MAF: variants seen among roughly 807,000 people sequenced by gnomAD.
MAF encodes transcription factor Maf.
In MAF, 10 loss-of-function variants were observed where a neutral mutation model predicts 22.0. The ratio of observed to expected loss-of-function variants is 0.45; its 90% confidence interval spans 0.28 to 0.77. The LOEUF is 0.77. Ranked by LOEUF, MAF falls within the 30% of genes least tolerant of loss-of-function variation. The probability of loss-of-function intolerance (pLI) is 0.12; values close to 1 mark genes in which losing one functional copy is unlikely to be tolerated. For missense variants in MAF, 544 were observed against 548.4 expected, an observed-to-expected ratio of 0.99 and a Z score of 0.08; for synonymous variants, 337 against 255.8, an observed-to-expected ratio of 1.32 and a Z score of -3.03.
At chr16:79,554,117 A>G in the MAF span, among the ~76,000 whole-genome samples, 1 of 135,684 alleles carries the variant, frequency 7.4e-6, no homozygotes, top group East Asian at 1.9e-4. Context: ...AAACAAACAA[A>G]CAAACAAACA....
the MAF span, among the ~76,000 whole-genome samples, chr16:79,373,424 C>T: frequency 1.8e-5 from 2 of 112,744 alleles, no homozygotes; most frequent in Admixed American, 1.3e-4. Context: ...GCTCTGTCTC[C>T]CAGGCTGGAG....
At chr16:79,380,531 G>T in the MAF span, among the ~76,000 whole-genome samples, 3 of 152,310 alleles carry the variant, frequency 2.0e-5, no homozygotes, top group Non-Finnish European at 4.4e-5. Flanking sequence ...ACAGCTACCT[G>T]CCTGGTTAGA....
At chr16:79,538,871 A>AAAAGAAAGAAAGAAAGAAAGAAAG in the MAF span, among the ~76,000 whole-genome samples, 1 of 104,342 alleles carries the variant, frequency 9.6e-6, no homozygotes, top group African/African-American at 3.7e-5. Context: ...AAAAGAAAAG[A>AAAAGAAAGAAAGAAAGAAAGAAAG]AAAGAAAGAA....
chr16:79,448,254 T>G, the MAF span, among the ~76,000 whole-genome samples: 1 of 152,090 alleles, frequency 6.6e-6, no homozygotes, highest in African/African-American at 2.4e-5. Flanking sequence ...TGTAAGAAAT[T>G]GCTGCAGCCA....
At chr16:79,381,786 C>T in the MAF span, among the ~76,000 whole-genome samples, 3 of 152,178 alleles carry the variant, frequency 2.0e-5, no homozygotes, top group Admixed American at 1.3e-4. Context: ...ACGGAGGTTG[C>T]CTTGGAGAAC....
At chr16:79,543,412 C>G in the MAF span, among the ~76,000 whole-genome samples, 2 of 152,148 alleles carry the variant, frequency 1.3e-5, no homozygotes, top group Non-Finnish European at 2.9e-5. Context: ...GGCTTTCTGC[C>G]AAGATGACAA....
chr16:79,547,538 A>C, the MAF span, among the ~76,000 whole-genome samples: 8 of 152,092 alleles, frequency 5.3e-5, no homozygotes, highest in Middle Eastern at 3.2e-3. Context: ...CTAAAAAAAA[A>C]CCTTTGTAGA....
chr16:79,443,708 G>A, the MAF span, among the ~76,000 whole-genome samples: 19 of 152,182 alleles, frequency 1.2e-4, no homozygotes, highest in African/African-American at 4.1e-4. Flanking sequence ...ACAGGCATCC[G>A]ACTTGTTCTT....
the MAF span, among the ~76,000 whole-genome samples, chr16:79,514,900 G>A: frequency 8.3e-4 from 126 of 152,210 alleles, no homozygotes; most frequent in Non-Finnish European, 1.7e-3. Context: ...TTTTCTCTTC[G>A]CAAGCCCTTT....
chr16:79,555,981 CGTTTA>C, the MAF span, among the ~76,000 whole-genome samples: 4 of 151,808 alleles, frequency 2.6e-5, no homozygotes, highest in African/African-American at 9.7e-5. Flanking sequence ...GTGATGATTT[CGTTTA>C]GTTTAGTGAT....
chr16:79,363,455 T>C, the MAF span, among the ~76,000 whole-genome samples: 25 of 152,306 alleles, frequency 1.6e-4, 1 homozygote, highest in South Asian at 4.4e-3. Context: ...ACAAAACCAA[T>C]TGTATAATAT....
chr16:79,389,389 G>T, the MAF span, among the ~76,000 whole-genome samples: 1 of 152,102 alleles, frequency 6.6e-6, no homozygotes, highest in Non-Finnish European at 1.5e-5. Context: ...CTCCCAAGTA[G>T]CTGGGATTAC....
the MAF span, among the ~76,000 whole-genome samples, chr16:79,327,881 G>C: frequency 6.6e-6 from 1 of 152,186 alleles, no homozygotes; most frequent in African/African-American, 2.4e-5. Context: ...CCTTTACAGA[G>C]TGTTCTTTCC....
At chr16:79,413,247 T>G in the MAF span, among the ~76,000 whole-genome samples, 15 of 73,966 alleles carry the variant, frequency 2.0e-4, 2 homozygotes, top group South Asian at 7.0e-4. Context: ...TTTTTTTTTT[T>G]TTTTTTTTTT....
the MAF span, among the ~76,000 whole-genome samples, chr16:79,541,156 G>A: frequency 6.6e-6 from 1 of 152,008 alleles, no homozygotes; most frequent in African/African-American, 2.4e-5. Context: ...TATAATTATT[G>A]CTATCACAAT....
the MAF span, among the ~76,000 whole-genome samples, chr16:79,234,901 G>A: frequency 5.3e-5 from 8 of 151,954 alleles, no homozygotes; most frequent in Admixed American, 3.9e-4. Context: ...ACCTGCCCTC[G>A]CGTTGCTGGA....
At chr16:79,577,504 A>G in the MAF span, among the ~76,000 whole-genome samples, 1 of 152,180 alleles carries the variant, frequency 6.6e-6, no homozygotes, top group Non-Finnish European at 1.5e-5. Context: ...CAAAGATGGC[A>G]TAGATCTGGT....
At chr16:79,461,995 C>A in the MAF span, among the ~76,000 whole-genome samples, 1 of 152,174 alleles carries the variant, frequency 6.6e-6, no homozygotes, top group Non-Finnish European at 1.5e-5. Flanking sequence ...ACCTGCCACC[C>A]ATTCCAGGAG....
chr16:79,367,472 G>C, the MAF span, among the ~76,000 whole-genome samples: 2 of 152,308 alleles, frequency 1.3e-5, no homozygotes, highest in South Asian at 2.1e-4. Flanking sequence ...TCTAGGCTTT[G>C]AATCCAAGAC....
Sources: allele counts gnomAD v4.1 joint callset (sites outside exome capture counted in the v4.1 genomes callset), GRCh38; gene constraint gnomAD v4.1.1; transcripts MANE v1.5; gene names NCBI Gene and HGNC (gene_info 2026-07-23, HGNC 2026-07-21).